Variants in GALNT17 observed in about 807,000 individuals in gnomAD.
GALNT17 encodes UDP-GalNAc:polypeptide N-acetylgalactosaminyltransferase-like 3.
Under a neutral mutation model 63.7 loss-of-function variants are expected in GALNT17, and 29 were observed. That is an observed-to-expected ratio of 0.46 (90% CI 0.34 to 0.62). The LOEUF is 0.62. Among genes scored for constraint, GALNT17 ranks in the 20% least tolerant of loss-of-function variants. The probability of loss-of-function intolerance (pLI) is 0.01; values close to 1 mark genes in which losing one functional copy is unlikely to be tolerated. For missense variants in GALNT17, 603 were observed against 799.6 expected (o/e 0.75, Z 2.97); for synonymous variants, 305 against 318.3 (o/e 0.96, Z 0.45).
intron 6 of GALNT17, among the ~76,000 whole-genome samples, chr7:71,638,905 G>A (rs890257536): frequency 6.6e-6 from 1 of 152,166 alleles, no homozygotes; most frequent in Non-Finnish European, 1.5e-5. Flanking sequence ...CATGGACACA[G>A]AGAGTAGGAT....
intron 1 of GALNT17, among the ~76,000 whole-genome samples, chr7:71,152,620 T>G (rs2116220006): frequency 6.6e-6 from 1 of 152,164 alleles, no homozygotes; most frequent in Non-Finnish European, 1.5e-5. Flanking sequence ...CTAATGTTAA[T>G]GGTTCACATT....
chr7:71,321,619 T>TCCCTTCC (rs1791606977), intron 1 of GALNT17, among the ~76,000 whole-genome samples: 1 of 105,358 alleles, frequency 9.5e-6, no homozygotes, highest in African/African-American at 3.6e-5. Flanking sequence ...CCTCCCTCCC[T>TCCCTTCC]TTTTTTGAGA....
chr7:71,133,024 G>T lies in GALNT17; in HGVS notation c.222G>T (p.Val74=). Residue 74 remains valine, a synonymous_variant, in exon 1 of 11, where the codon GTG becomes GTT. Coordinates refer to ENST00000333538, the MANE Select transcript of GALNT17 (RefSeq NM_022479.3). ...LKRLSLLEDI[V]YRQLNGLSKS... Reference sequence around the variant, plus strand: ...GCCTGTCGCTGCTGGAGGACATCGTGTACCGGCAGCTGAATGGTAAGGACG... The same window carrying T: ...GCCTGTCGCTGCTGGAGGACATCGTTTACCGGCAGCTGAATGGTAAGGACG... 6.3e-7 allele frequency: 1 copy of T among 1,583,602 alleles called. No individual in the cohort carries two copies.
intron 6 of GALNT17, among the ~76,000 whole-genome samples, chr7:71,644,653 A>T (rs1007245600): frequency 6.6e-6 from 1 of 151,952 alleles, no homozygotes; most frequent in Admixed American, 6.6e-5. Context: ...TGGGAGGCTG[A>T]GACAGGAGGA....
rs1369986625 is a variant in GALNT17, at chr7:71,132,974, C to G, written c.172C>G (p.Pro58Ala). ...CAACCTCAGCGCGCACAGCGCCAGC[C>G]CCATCCAGGATGCGGTCCTGAAGCG... The part of the protein sequence containing the change: ...VANLSAHSAS[P>A]IQDAVLKRLS... Residue 58 changes from proline (P) to alanine (A), a missense_variant, in exon 1 of 11, where the codon CCC (proline) becomes GCC (alanine). By Grantham distance (27) the Pro-to-Ala change is conservative. Coordinates refer to ENST00000333538, the MANE Select transcript of GALNT17 (RefSeq NM_022479.3). The G allele has an allele frequency of 6.2e-7, 1 of 1,609,354 alleles. No homozygotes were observed. The highest frequency in any genetic ancestry group is 8.5e-7 in the Non-Finnish European group (1 of 1,179,092).
At chr7:71,441,084 G>A (rs758076257) in intron 5 of GALNT17, among the ~76,000 whole-genome samples, 5 of 151,218 alleles carry the variant, frequency 3.3e-5, no homozygotes, top group African/African-American at 7.3e-5. Context: ...GTGCAGTGGC[G>A]CGATCTTGGC....
chr7:71,217,152 T>G (rs927360601), intron 1 of GALNT17, among the ~76,000 whole-genome samples: 2 of 149,536 alleles, frequency 1.3e-5, no homozygotes, highest in African/African-American at 4.9e-5. Context: ...TTTGTTTTTT[T>G]TTTTTTTTTT....
chr7:71,397,353 C>A (rs144524820), intron 3 of GALNT17, among the ~76,000 whole-genome samples: 118 of 152,218 alleles, frequency 7.8e-4, no homozygotes, highest in African/African-American at 2.7e-3. Flanking sequence ...CAATGGGCTT[C>A]TCTGTATTTA....
At chr7:71,452,906 T>C (rs1787289112) in intron 5 of GALNT17, among the ~76,000 whole-genome samples, 1 of 152,214 alleles carries the variant, frequency 6.6e-6, no homozygotes, top group African/African-American at 2.4e-5. Context: ...TTGCTTTTTC[T>C]CAATTTTTCT....
chr7:71,390,209 CTCCG>C (rs1409657626), intron 3 of GALNT17, among the ~76,000 whole-genome samples: 13 of 152,292 alleles, frequency 8.5e-5, no homozygotes, highest in Admixed American at 2.6e-4. Flanking sequence ...CTGCAAGCTG[CTCCG>C]TCGTCCGGAA....
At chr7:71,455,334 G>A (rs1226798164) in intron 5 of GALNT17, among the ~76,000 whole-genome samples, 3 of 151,986 alleles carry the variant, frequency 2.0e-5, no homozygotes, top group Non-Finnish European at 2.9e-5. Context: ...GGAGGGGGAG[G>A]TATAAAGAGG....
chr7:71,532,694 T>C (rs1788739910), intron 5 of GALNT17, among the ~76,000 whole-genome samples: 1 of 152,226 alleles, frequency 6.6e-6, no homozygotes, highest in South Asian at 2.1e-4. Context: ...CATTAGAGGC[T>C]ACACTACGGG....
intron 9 of GALNT17, among the ~76,000 whole-genome samples, chr7:71,680,837 CT>C (rs1791249543): frequency 7.0e-6 from 1 of 142,250 alleles, no homozygotes; most frequent in Non-Finnish European, 1.5e-5. Flanking sequence ...CCCTTCCTTT[CT>C]TCCTTTCCTT....
At chr7:71,215,780 G>A (rs1332260841) in intron 1 of GALNT17, among the ~76,000 whole-genome samples, 2 of 152,058 alleles carry the variant, frequency 1.3e-5, no homozygotes, top group East Asian at 1.9e-4. Context: ...TTAGAACAAG[G>A]GCAGCGTTCT....
intron 1 of GALNT17, among the ~76,000 whole-genome samples, chr7:71,198,464 A>G (rs962310445): frequency 6.6e-6 from 1 of 152,180 alleles, no homozygotes; most frequent in Non-Finnish European, 1.5e-5. Context: ...CTTACTAAAC[A>G]TGGTCCTTCG....
At chr7:71,450,920 T>C (rs1787250480) in intron 5 of GALNT17, among the ~76,000 whole-genome samples, 1 of 84,190 alleles carries the variant, frequency 1.2e-5, no homozygotes, top group South Asian at 4.2e-4. Context: ...GGCGTTTTTC[T>C]TTTTTTTATT....
At chr7:71,436,698 G>A (rs1201314565) in intron 5 of GALNT17, among the ~76,000 whole-genome samples, 5 of 149,884 alleles carry the variant, frequency 3.3e-5, no homozygotes, top group East Asian at 2.0e-4. Context: ...CAGCCTGGGC[G>A]ACAGAGCGAG....
chr7:71,138,645 A>C (rs1029798665), intron 1 of GALNT17, among the ~76,000 whole-genome samples: 1 of 152,234 alleles, frequency 6.6e-6, no homozygotes, highest in Admixed American at 6.5e-5. Flanking sequence ...AAAATTTAAC[A>C]TGATTGCGTG....
At chr7:71,591,915 G>A (rs898007590) in intron 6 of GALNT17, among the ~76,000 whole-genome samples, 9 of 152,224 alleles carry the variant, frequency 5.9e-5, no homozygotes, top group African/African-American at 1.2e-4. Flanking sequence ...CGCCTGCCTC[G>A]GCCTCTCAAA....
Sources: gnomAD v4.1 joint callset for allele counts (sites outside exome capture counted in the v4.1 genomes callset) on GRCh38, gnomAD v4.1.1 for gene constraint, MANE v1.5 for transcripts, NCBI Gene and HGNC (gene_info 2026-07-23, HGNC 2026-07-21) for gene names.